HECW2: variants seen among roughly 807,000 people sequenced by gnomAD.
The protein encoded by HECW2 is HECT, C2 and WW domain containing E3 ubiquitin protein ligase 2.
HECW2 carries 61 observed loss-of-function variants against 175.2 expected under a neutral mutation model. That is an observed-to-expected ratio of 0.35 (90% confidence interval 0.28 to 0.43). The LOEUF (loss-of-function observed/expected upper bound fraction) is 0.43. Ranked by LOEUF, HECW2 falls within the 20% of genes least tolerant of loss-of-function variation. The pLI is 1.00. For missense variants in HECW2, 1,524 were observed against 2,000.5 expected (o/e 0.76, Z 4.54); for synonymous variants, 671 against 731.0 (o/e 0.92, Z 1.32).
chr2:196,544,942 T>A (rs1689361084), intron 1 of HECW2, among the ~76,000 whole-genome samples: 1 of 152,224 alleles, frequency 6.6e-6, no homozygotes, highest in Non-Finnish European at 1.5e-5. Context: ...AGAAACCCCA[T>A]GAGTTGCCAC....
chr2:196,350,608 T>C (rs193104713), intron 2 of HECW2, among the ~76,000 whole-genome samples: 2 of 152,344 alleles, frequency 1.3e-5, no homozygotes, highest in Admixed American at 1.3e-4. Flanking sequence ...TCCCTCTCAT[T>C]TGTTACCTTG....
At chr2:196,295,555 G>C (rs902509045) in intron 13 of HECW2, among the ~76,000 whole-genome samples, 3 of 152,178 alleles carry the variant, frequency 2.0e-5, no homozygotes, top group African/African-American at 7.2e-5. Context: ...GGATAATTCT[G>C]TCGGATAAAT....
rs184615844 is a variant in HECW2 at position 196,392,064 on chromosome 2, C to T, written c.292+41068G>A. 1.6e-4 allele frequency among the ~76,000 whole-genome samples: 24 copies of T among 152,314 alleles called. No individual in the cohort carries two copies. In the East Asian group the frequency reaches 1.9e-3, roughly 12 times the overall value. On this transcript the variant is annotated intron_variant, in intron 2 of 28. Transcript: ENST00000644978. Reference sequence around the variant, plus strand: ...CCCTACTTCCAAGCAAGGTCATATTCGGAGATTCAGGAAGACATGACTTAT... The same window carrying T: ...CCCTACTTCCAAGCAAGGTCATATTTGGAGATTCAGGAAGACATGACTTAT...
chr2:196,211,649 T>C (rs16847172), intron 28 of HECW2, among the ~76,000 whole-genome samples: 3,408 of 152,264 alleles, frequency 0.022, 131 homozygotes, highest in African/African-American at 0.078. Context: ...CTAGGAAATC[T>C]GAGAAAAGAA....
At chr2:196,523,947 T>G (rs1575634405) in intron 1 of HECW2, among the ~76,000 whole-genome samples, 1 of 152,194 alleles carries the variant, frequency 6.6e-6, no homozygotes, top group Non-Finnish European at 1.5e-5. Flanking sequence ...CTTTTTTGAT[T>G]GTGTCTCTGC....
chr2:196,282,422 C>T (rs1690222524), intron 14 of HECW2, among the ~76,000 whole-genome samples: 1 of 152,094 alleles, frequency 6.6e-6, no homozygotes. Flanking sequence ...ACACAGCCCT[C>T]AAGAGATCCT....
chr2:196,567,861 C>T (rs1198403252), intron 1 of HECW2, among the ~76,000 whole-genome samples: 1 of 152,174 alleles, frequency 6.6e-6, no homozygotes, highest in Non-Finnish European at 1.5e-5. Context: ...ATAAAGTCTT[C>T]TCACATTTTG....
chr2:196,563,740 T>C (rs1690086037), intron 1 of HECW2, among the ~76,000 whole-genome samples: 1 of 152,160 alleles, frequency 6.6e-6, no homozygotes, highest in African/African-American at 2.4e-5. Flanking sequence ...TTAAATATAA[T>C]ACATTTAACT....
rs1280312954 is a variant in HECW2, at chr2:196,308,198, AAT to A, written c.2435-115_2435-114del. 5.7e-6 allele frequency: 4 copies of A among 698,660 alleles called. No homozygotes were observed. The African/African-American group carries it at 7.1e-5, about 12-fold the overall frequency. 43.3% of individuals were successfully genotyped at this position (698,660 alleles called of 1,614,324 possible). A position where few individuals can be genotyped will look rare whatever the true frequency, so the allele number is the denominator to read the frequency against. The stretch of plus-strand genomic sequence containing the variant: ...CTCTGACATGCTATAATCTGAGACT[AAT>A]AACATACATCTCACTGCACTATCCC... On this transcript the variant is annotated intron_variant, in intron 10 of 28. Coordinates refer to ENST00000644978, the MANE Select transcript of HECW2 (RefSeq NM_001348768.2).
intron 1 of HECW2, among the ~76,000 whole-genome samples, chr2:196,572,646 G>A (rs1051861118): frequency 2.6e-5 from 4 of 152,202 alleles, no homozygotes; most frequent in African/African-American, 9.7e-5. Flanking sequence ...CCAAATTCAT[G>A]TTGAAACCCT....
chr2:196,509,638 T>C (rs982098680), intron 1 of HECW2, among the ~76,000 whole-genome samples: 5 of 152,222 alleles, frequency 3.3e-5, no homozygotes, highest in Admixed American at 1.3e-4. Flanking sequence ...AGACCAAATA[T>C]GAAACTCACA....
chr2:196,345,467 CTG>C (rs1692922019), intron 2 of HECW2, among the ~76,000 whole-genome samples: 1 of 152,192 alleles, frequency 6.6e-6, no homozygotes, highest in East Asian at 1.9e-4. Flanking sequence ...CTATGGAAAA[CTG>C]TAATTTTCCT....
chr2:196,305,016 A>G (rs904597959), intron 13 of HECW2, among the ~76,000 whole-genome samples: 1 of 152,196 alleles, frequency 6.6e-6, no homozygotes, highest in African/African-American at 2.4e-5. Flanking sequence ...TTTAAAACTA[A>G]TCTCAAATCC....
intron 1 of HECW2, among the ~76,000 whole-genome samples, chr2:196,494,187 T>C (rs1242055754): frequency 6.6e-6 from 1 of 151,822 alleles, no homozygotes. Context: ...ATGCCAAGAG[T>C]GTAGCAGTGG....
intron 2 of HECW2, among the ~76,000 whole-genome samples, chr2:196,379,308 C>T (rs1694136549): frequency 1.3e-5 from 2 of 152,102 alleles, no homozygotes; most frequent in Admixed American, 6.6e-5. Context: ...TTTTGAGGTG[C>T]TGAGAATACT....
At chr2:196,459,713 C>T (rs1398158641) in intron 1 of HECW2, among the ~76,000 whole-genome samples, 1 of 152,166 alleles carries the variant, frequency 6.6e-6, no homozygotes, top group African/African-American at 2.4e-5. Flanking sequence ...ACAAAATAAC[C>T]AACCAGCATT....
At chr2:196,575,784 G>T (rs1351010308) in intron 1 of HECW2, among the ~76,000 whole-genome samples, 1 of 152,160 alleles carries the variant, frequency 6.6e-6, no homozygotes, top group East Asian at 1.9e-4. Flanking sequence ...TTTTACTCAT[G>T]GTGGGAGGCT....
chr2:196,406,194 A>G (rs561575213), intron 2 of HECW2, among the ~76,000 whole-genome samples: 1 of 152,220 alleles, frequency 6.6e-6, no homozygotes, highest in South Asian at 2.1e-4. Context: ...TTCTTGACAT[A>G]TTCACCAAGA....
At chr2:196,495,305 A>C (rs543477940) in intron 1 of HECW2, among the ~76,000 whole-genome samples, 3 of 152,050 alleles carry the variant, frequency 2.0e-5, no homozygotes, top group Non-Finnish European at 2.9e-5. Context: ...CGATCTCGTG[A>C]TCTGTCCACC....
Sources: gnomAD v4.1 joint callset for allele counts (sites outside exome capture counted in the v4.1 genomes callset) on GRCh38, gnomAD v4.1.1 for gene constraint, MANE v1.5 for transcripts, NCBI Gene and HGNC (gene_info 2026-07-23, HGNC 2026-07-21) for gene names.